TUSC3: variants seen among roughly 807,000 people sequenced by gnomAD.
TUSC3 encodes the protein dolichyl-diphosphooligosaccharide--protein glycosyltransferase subunit TUSC3.
Under a neutral mutation model 44.8 loss-of-function variants are expected in TUSC3, and 45 were observed. The observed-to-expected ratio is 1.00, with a 90% CI of 0.79 to 1.29. TUSC3 has a LOEUF of 1.29. Among genes scored for constraint, TUSC3 ranks in the 50% most tolerant of loss-of-function variants. TUSC3 has a pLI of 0.00. For missense variants in TUSC3, 519 were observed against 437.9 expected, an observed-to-expected ratio of 1.19 and a Z score of -1.65; for synonymous variants, 212 against 152.9, an observed-to-expected ratio of 1.39 and a Z score of -2.85.
At chr8:15,454,434 A>C (rs1800230775) in intron 1 of TUSC3, among the ~76,000 whole-genome samples, 1 of 152,196 alleles carries the variant, frequency 6.6e-6, no homozygotes, top group Non-Finnish European at 1.5e-5. Flanking sequence ...GAATAGAGTG[A>C]CTGTTAACAG....
At chr8:15,711,659 A>G (rs1443318999) in intron 6 of TUSC3, among the ~76,000 whole-genome samples, 2 of 151,848 alleles carry the variant, frequency 1.3e-5, no homozygotes, top group Admixed American at 6.6e-5. Flanking sequence ...TTTGCTAAGC[A>G]AATTAAGGAT....
intron 1 of TUSC3, among the ~76,000 whole-genome samples, chr8:15,445,463 G>A (rs998334905): frequency 5.3e-5 from 8 of 152,104 alleles, no homozygotes; most frequent in South Asian, 2.1e-4. Flanking sequence ...AGGACCCTGC[G>A]GCCTTCCGCA....
At chr8:15,604,457 A>C (rs1423471134) in intron 1 of TUSC3, among the ~76,000 whole-genome samples, 2 of 151,738 alleles carry the variant, frequency 1.3e-5, no homozygotes, top group African/African-American at 4.8e-5. Context: ...GCTTTTCTGC[A>C]TTAAAATAGT....
At chr8:15,779,995 C>T in the TUSC3 span, among the ~76,000 whole-genome samples, 1 of 152,156 alleles carries the variant, frequency 6.6e-6, no homozygotes. Context: ...GAAAGTGAAA[C>T]ATAATTTGAA....
chr8:15,513,834 G>A (rs1195650005), intron 2 of TUSC3, among the ~76,000 whole-genome samples: 1 of 152,142 alleles, frequency 6.6e-6, no homozygotes, highest in Non-Finnish European at 1.5e-5. Context: ...CAATGAGCAA[G>A]CTCCTTCTCT....
the TUSC3 span, among the ~76,000 whole-genome samples, chr8:15,781,329 T>C: frequency 1.3e-5 from 2 of 152,210 alleles, no homozygotes; most frequent in Non-Finnish European, 2.9e-5. Context: ...ACCTTACCTG[T>C]CTCATTGTAC....
intron 2 of TUSC3, among the ~76,000 whole-genome samples, chr8:15,642,119 G>A (rs1417629904): frequency 6.6e-6 from 1 of 152,114 alleles, no homozygotes; most frequent in Admixed American, 6.5e-5. Context: ...ATGGTAGTCT[G>A]CCAGTTCATT....
chr8:15,807,366 C>G, the TUSC3 span: 1 of 355,564 alleles, frequency 2.8e-6, no homozygotes, highest in Non-Finnish European at 5.2e-6. Flanking sequence ...ACAACAACAA[C>G]AAAACAAGGC....
intron 1 of TUSC3, among the ~76,000 whole-genome samples, chr8:15,605,072 T>C (rs1319476011): frequency 1.3e-5 from 2 of 151,856 alleles, no homozygotes; most frequent in South Asian, 4.1e-4. Flanking sequence ...AAGATGAATG[T>C]AGTAGTGACT....
intron 1 of TUSC3, among the ~76,000 whole-genome samples, chr8:15,609,126 A>C (rs1415106887): frequency 6.6e-6 from 1 of 152,192 alleles, no homozygotes; most frequent in Non-Finnish European, 1.5e-5. Context: ...ATTTGTGTGA[A>C]TCAAGAATAA....
intron 1 of TUSC3, among the ~76,000 whole-genome samples, chr8:15,475,798 A>G (rs968554131): frequency 6.6e-6 from 1 of 152,174 alleles, no homozygotes; most frequent in Non-Finnish European, 1.5e-5. Flanking sequence ...AGTACTTGGC[A>G]TTAATAGGAT....
intron 6 of TUSC3, among the ~76,000 whole-genome samples, chr8:15,721,444 T>C (rs1240808940): frequency 1.3e-5 from 2 of 151,968 alleles, no homozygotes; most frequent in African/African-American, 2.4e-5. Context: ...TTGCTTTTTT[T>C]CCCCCAGGAT....
intron 6 of TUSC3, among the ~76,000 whole-genome samples, chr8:15,730,066 C>A (rs1346964469): frequency 6.6e-6 from 1 of 151,930 alleles, no homozygotes; most frequent in Non-Finnish European, 1.5e-5. Context: ...AGATTATCAG[C>A]AGAAATAATC....
chr8:15,430,862 C>A (rs534612079), intron 1 of TUSC3, among the ~76,000 whole-genome samples: 2 of 151,784 alleles, frequency 1.3e-5, no homozygotes, highest in South Asian at 2.1e-4. Flanking sequence ...CAATTTTATT[C>A]TTTTTGCATC....
chr8:15,627,277 G>C (rs1250675151), intron 2 of TUSC3, among the ~76,000 whole-genome samples: 1 of 152,182 alleles, frequency 6.6e-6, no homozygotes, highest in African/African-American at 2.4e-5. Context: ...CAGCCTGCCT[G>C]GCAGAAAGGA....
chr8:15,741,677 A>T (rs759234489), intron 7 of TUSC3, among the ~76,000 whole-genome samples: 1 of 152,134 alleles, frequency 6.6e-6, no homozygotes, highest in Non-Finnish European at 1.5e-5. Context: ...ACAAAGTGAA[A>T]CTGTGTCTCT....
chr8:15,748,373 A>G lies in TUSC3; in HGVS notation c.938-2A>G. On this transcript the variant is annotated splice_acceptor_variant, in intron 8 of 10. Transcript: ENST00000503731. LOFTEE classifies it high-confidence loss of function. Reference sequence around the variant, plus strand: ...CTAATGGTATTTTCTGTCTGTTTCTAGTAATTTGCCTAGTGGGATTGGGCC... The same window carrying G: ...CTAATGGTATTTTCTGTCTGTTTCTGGTAATTTGCCTAGTGGGATTGGGCC... 6.2e-7 allele frequency: 1 copy of G among 1,611,340 alleles called. No homozygotes were observed. Among genetic ancestry groups the G allele is most frequent in the Non-Finnish European group, 8.5e-7 (1 of 1,177,620 alleles).
At chr8:15,849,556 C>T in the TUSC3 span, among the ~76,000 whole-genome samples, 26 of 152,266 alleles carry the variant, frequency 1.7e-4, no homozygotes, top group South Asian at 5.4e-3. Context: ...AAGAAAGCCA[C>T]CAGGAGTTAC....
chr8:15,585,863 T>C (rs80084153), intron 1 of TUSC3, among the ~76,000 whole-genome samples: 3,144 of 152,312 alleles, frequency 0.021, 96 homozygotes, highest in African/African-American at 0.07. Context: ...CGGGTTTTTT[T>C]GTTTCTCCTC....
Sources: allele counts gnomAD v4.1 joint callset (sites outside exome capture counted in the v4.1 genomes callset), GRCh38; gene constraint gnomAD v4.1.1; transcripts MANE v1.5; gene names NCBI Gene and HGNC (gene_info 2026-07-23, HGNC 2026-07-21).